CFI: variants seen among roughly 807,000 people sequenced by gnomAD.
CFI encodes the protein complement factor I.
A neutral mutation model predicts 78.8 loss-of-function variants in CFI; 66 were observed. That is an observed-to-expected ratio of 0.84 (90% CI 0.69 to 1.03). CFI has a LOEUF of 1.03. Among genes scored for constraint, CFI ranks in the 50% least tolerant of loss-of-function variants. The pLI, the probability that CFI is intolerant of heterozygous loss-of-function variation, is 0.00. For missense variants in CFI, 706 were observed against 704.5 expected, an observed-to-expected ratio of 1.00 and a Z score of -0.02; for synonymous variants, 250 against 232.6, an observed-to-expected ratio of 1.07 and a Z score of -0.68.
intron 1 of CFI, among the ~76,000 whole-genome samples, chr4:109,773,026 T>TA (rs1728788677): frequency 6.6e-6 from 1 of 152,236 alleles, no homozygotes; most frequent in Non-Finnish European, 1.5e-5. Flanking sequence ...CAGTGAAATG[T>TA]AAGCTGAAAT....
At chr4:109,789,904 T>C (rs1731176812) in intron 1 of CFI, among the ~76,000 whole-genome samples, 1 of 152,098 alleles carries the variant, frequency 6.6e-6, no homozygotes, top group African/African-American at 2.4e-5. Flanking sequence ...ATTCTCTTTA[T>C]ATGTTTGGTA....
intron 6 of CFI, 169 bp downstream of exon 6, chr4:109,760,100 CG>C (rs1561300938): frequency 2.9e-6 from 2 of 700,606 alleles, no homozygotes; most frequent in Non-Finnish European, 5.2e-6. Context: ...AGATATTTAG[CG>C]GATGAAAATA....
intron 12 of CFI, 43 bp downstream of exon 12, chr4:109,742,448 A>G (rs747705019): frequency 3.2e-6 from 4 of 1,251,968 alleles, no homozygotes; most frequent in Admixed American, 1.7e-5. Context: ...GATAGGGGAA[A>G]TACATACATC....
intron 6 of CFI, among the ~76,000 whole-genome samples, chr4:109,758,661 A>T (rs1726624804): frequency 6.6e-6 from 1 of 152,198 alleles, no homozygotes; most frequent in Non-Finnish European, 1.5e-5. Context: ...TGCTAAAACC[A>T]TTAGGCAAAA....
chr4:109,799,051 C>T (rs572213266), intron 1 of CFI, among the ~76,000 whole-genome samples: 1 of 152,256 alleles, frequency 6.6e-6, no homozygotes, highest in East Asian at 1.9e-4. Flanking sequence ...TAGACAACCA[C>T]CAGAGGTGCA....
At chr4:109,784,430 T>C (rs1366868798) in intron 1 of CFI, among the ~76,000 whole-genome samples, 1 of 152,052 alleles carries the variant, frequency 6.6e-6, no homozygotes, top group Admixed American at 6.6e-5. Context: ...TCTTTTAAGA[T>C]AGAGAATCAT....
rs1309017956 is a variant in CFI at position 109,801,915 on chromosome 4, C to G, written c.57G>C (p.Lys19Asn). Reference protein sequence around the residue: ...LFLCFHLRFCKVTYTSQEDLV... With the variant: ...LFLCFHLRFCNVTYTSQEDLV... ...TTTGCATAAAGGTTGAATTACTTAC[C>G]TTGCAAAACCTTAAGTGGAAGCACA... The change falls in exon 1 of 13, where the codon AAG becomes AAC. Residue 19 changes from lysine to asparagine, a missense_variant and splice_region_variant. By Grantham distance (94) the Lys-to-Asn change is moderately conservative (BLOSUM62 0). Coordinates refer to ENST00000394634, the MANE Select transcript of CFI (RefSeq NM_000204.5). The G allele has an allele frequency of 6.2e-7, 1 of 1,604,930 alleles. No homozygotes were observed. Among genetic ancestry groups the G allele is most frequent in the African/African-American group, 1.3e-5 (1 of 74,708 alleles).
intron 1 of CFI, among the ~76,000 whole-genome samples, chr4:109,776,517 A>G (rs1729265781): frequency 1.3e-5 from 2 of 152,240 alleles, no homozygotes. Flanking sequence ...GAAAGTGACG[A>G]GGAGAATGGA....
At chr4:109,791,646 A>G (rs886863996) in intron 1 of CFI, among the ~76,000 whole-genome samples, 3 of 151,972 alleles carry the variant, frequency 2.0e-5, no homozygotes, top group African/African-American at 4.8e-5. Flanking sequence ...TCCAGTTTCA[A>G]TTTTCTGCAA....
intron 11 of CFI, 125 bp from the exon 12 acceptor site, chr4:109,742,720 G>T (rs1385526606): frequency 5.9e-6 from 4 of 672,648 alleles, no homozygotes; most frequent in Non-Finnish European, 1.0e-5. Context: ...AAATTTTTGA[G>T]AACTCTTCCT....
intron 1 of CFI, among the ~76,000 whole-genome samples, chr4:109,789,644 C>A (rs1345900027): frequency 6.6e-6 from 1 of 151,960 alleles, no homozygotes; most frequent in Non-Finnish European, 1.5e-5. Context: ...TAGCAGCATA[C>A]CTGCAGTACA....
At chr4:109,780,742 C>A (rs182050881) in intron 1 of CFI, among the ~76,000 whole-genome samples, 227 of 152,280 alleles carry the variant, frequency 1.5e-3, no homozygotes, top group Middle Eastern at 0.014. Context: ...GACTTGGAAT[C>A]AACCCAACTG....
downstream of CFI, among the ~76,000 whole-genome samples, chr4:109,740,392 TAAAG>T (rs1380158274): frequency 4.0e-5 from 6 of 150,994 alleles, no homozygotes; most frequent in Non-Finnish European, 7.4e-5. Flanking sequence ...GAGAAAGAAA[TAAAG>T]AGGAAGCAGG....
downstream of CFI, among the ~76,000 whole-genome samples, chr4:109,737,886 A>T (rs1723459620): frequency 6.6e-6 from 1 of 152,174 alleles, no homozygotes; most frequent in South Asian, 2.1e-4. Context: ...AGAAGCTTGG[A>T]GTCAGGTCAT....
At chr4:109,761,435 T>A in intron 4 of CFI, 82 bp downstream of exon 4, 1 of 1,322,508 alleles carries the variant, frequency 7.6e-7, no homozygotes, top group Non-Finnish European at 1.1e-6. Flanking sequence ...CAACGAGGCA[T>A]CAATCATTTG....
intron 3 of CFI, 55 bp downstream of exon 3, chr4:109,764,482 A>T: frequency 6.3e-7 from 1 of 1,598,556 alleles, no homozygotes; most frequent in South Asian, 1.1e-5. Context: ...GTAATCAAAA[A>T]GCAAACAGAA....
intron 8 of CFI, among the ~76,000 whole-genome samples, chr4:109,751,065 C>G (rs1164199656): frequency 6.6e-6 from 1 of 152,068 alleles, no homozygotes; most frequent in Non-Finnish European, 1.5e-5. Flanking sequence ...CACTGTTGTC[C>G]AGGACACAGA....
the CFI span, among the ~76,000 whole-genome samples, chr4:109,735,380 T>C: frequency 6.6e-6 from 1 of 152,146 alleles, no homozygotes; most frequent in Admixed American, 6.5e-5. Context: ...AAAAACATGG[T>C]AGTATTGATG....
chr4:109,765,914 C>A (rs1727682964), intron 2 of CFI, among the ~76,000 whole-genome samples: 1 of 152,014 alleles, frequency 6.6e-6, no homozygotes, highest in South Asian at 2.1e-4. Context: ...GTCAGGAGAT[C>A]GAGACCATCC....
Sources: allele counts gnomAD v4.1 joint callset (sites outside exome capture counted in the v4.1 genomes callset), GRCh38; gene constraint gnomAD v4.1.1; transcripts MANE v1.5; gene names NCBI Gene and HGNC (gene_info 2026-07-23, HGNC 2026-07-21).